Variants in GALNT12 observed in about 807,000 individuals in gnomAD.
GALNT12 encodes polypeptide N-acetylgalactosaminyltransferase 12, also known as UDP-GalNAc:polypeptide N-acetylgalactosaminyltransferase 12.
GALNT12 carries 45 observed loss-of-function variants against 55.5 expected under a neutral mutation model. The ratio of observed to expected loss-of-function variants is 0.81; its 90% confidence interval spans 0.64 to 1.04. The LOEUF (loss-of-function observed/expected upper bound fraction) is 1.04, where lower values mean the gene tolerates loss of function less well. GALNT12 is among the 50% of genes least tolerant of loss of function. The pLI, the probability that GALNT12 is intolerant of heterozygous loss-of-function variation, is 0.00. For missense variants in GALNT12, 709 were observed against 754.8 expected (o/e 0.94, Z 0.71); for synonymous variants, 304 against 312.2 (o/e 0.97, Z 0.28).
chr9:98,807,914 G>T lies in GALNT12; in HGVS notation c.216G>T (p.Ala72=). 1 of 1,218,780 alleles carries T rather than the reference G, an allele frequency of 8.2e-7. No homozygotes were observed. Among genetic ancestry groups the T allele is most frequent in the Non-Finnish European group, 1.0e-6 (1 of 978,636 alleles). 75.5% of individuals were successfully genotyped at this position (1,218,780 alleles called of 1,614,324 possible). A position where few individuals can be genotyped will look rare whatever the true frequency, so the allele number is the denominator to read the frequency against. Residue 72 remains alanine, a synonymous_variant, in exon 1 of 10, where the codon GCG becomes GCT. Coordinates refer to ENST00000375011, the MANE Select transcript of GALNT12 (RefSeq NM_024642.5). ...EPVMPRPPVP[A]NALGARGEAV... ...TCATGCCGCGGCCGCCGGTGCCGGC[G>T]AACGCGCTGGGCGCGCGGGGCGAGG...
chr9:98,847,226 A>C (rs1008069705), intron 9 of GALNT12: 2 of 152,230 alleles, frequency 1.3e-5, no homozygotes, highest in African/African-American at 2.4e-5. Context: ...TTCACTCCCA[A>C]TATACTGCTT....
intron 3 of GALNT12, among the ~76,000 whole-genome samples, chr9:98,828,290 G>A (rs546334784): frequency 3.9e-5 from 6 of 152,158 alleles, no homozygotes; most frequent in African/African-American, 1.4e-4. Context: ...TCAGCTGCAG[G>A]TTCTATAGCT....
At chr9:98,829,913 T>G (rs559652079) in intron 3 of GALNT12, among the ~76,000 whole-genome samples, 1 of 152,370 alleles carries the variant, frequency 6.6e-6, no homozygotes, top group Admixed American at 6.5e-5. Flanking sequence ...TTGGTTATTG[T>G]GAATAGTGCT....
intron 1 of GALNT12, among the ~76,000 whole-genome samples, chr9:98,819,869 T>C (rs1325737690): frequency 6.6e-6 from 1 of 152,190 alleles, no homozygotes; most frequent in Non-Finnish European, 1.5e-5. Flanking sequence ...CAGTACATAC[T>C]AGCAGGTGCT....
rs528057817 is a variant in GALNT12 at position 98,824,547 on chromosome 9, G to A, written c.541+1122G>A. 2.6e-5 allele frequency among the ~76,000 whole-genome samples: 4 copies of A among 152,282 alleles called. No individual in the cohort carries two copies. In the South Asian group the frequency reaches 8.3e-4, roughly 32 times the overall value. On this transcript the variant is annotated intron_variant, in intron 2 of 9. Transcript: ENST00000375011. The stretch of plus-strand genomic sequence containing the variant: ...CCTGCTGGCTGTGTGTTCAGTTACA[G>A]GTCACAGGGAGAATGGGTTTAAGGC...
At chr9:98,819,225 T>C (rs1201604708) in intron 1 of GALNT12, among the ~76,000 whole-genome samples, 5 of 152,234 alleles carry the variant, frequency 3.3e-5, no homozygotes, top group Non-Finnish European at 5.9e-5. Flanking sequence ...AATTCTTTGA[T>C]AGCCTCTGTC....
chr9:98,830,585 C>T (rs781129016), intron 3 of GALNT12, among the ~76,000 whole-genome samples: 1 of 152,258 alleles, frequency 6.6e-6, no homozygotes, highest in Non-Finnish European at 1.5e-5. Flanking sequence ...CCATCAGTTC[C>T]TGGGGGAGCT....
intron 1 of GALNT12, among the ~76,000 whole-genome samples, chr9:98,815,277 T>G (rs1835585806): frequency 6.6e-6 from 1 of 152,234 alleles, no homozygotes; most frequent in Non-Finnish European, 1.5e-5. Flanking sequence ...TTGGTACATA[T>G]TTGGTAAATT....
chr9:98,849,766 A>G lies in GALNT12; in HGVS notation c.*674A>G. The G allele has an allele frequency of 2.5e-6, 1 of 396,078 alleles. No individual in the cohort carries two copies. The highest frequency in any genetic ancestry group is 4.4e-6 in the Non-Finnish European group (1 of 225,202). 24.5% of individuals were successfully genotyped at this position (396,078 alleles called of 1,614,324 possible). A position where few individuals can be genotyped will look rare whatever the true frequency, so the allele number is the denominator to read the frequency against. ...CTTTACTAAGCTGAGTCAACTTGAG[A>G]GCGAACTTCTAACAATGCCGCACTG... On this transcript the variant is annotated 3_prime_UTR_variant, in exon 10 of 10. Transcript: ENST00000375011.
chr9:98,826,961 T>C lies in GALNT12; in HGVS notation c.731+20T>C. On this transcript the variant is annotated intron_variant, in intron 3 of 9. Coordinates refer to ENST00000375011, the MANE Select transcript of GALNT12 (RefSeq NM_024642.5). ...GCAGAGGTACGTGAGCCGCCCACCATGGGAGAGACAGCATGTTACCTGGAG... is the reference window on the plus strand; with the variant it reads ...GCAGAGGTACGTGAGCCGCCCACCACGGGAGAGACAGCATGTTACCTGGAG... 2 of 1,552,166 alleles carry C rather than the reference T, an allele frequency of 1.3e-6. No homozygotes were observed. The highest frequency in any genetic ancestry group is 1.7e-4 in the Middle Eastern group (1 of 5,904).
intron 3 of GALNT12, 101 bp downstream of exon 3, chr9:98,827,042 G>T: frequency 8.0e-7 from 1 of 1,249,174 alleles, no homozygotes; most frequent in Non-Finnish European, 1.1e-6. Context: ...GGGTTGCCTG[G>T]GCTCAGCTGC....
chr9:98,843,458 G>A (rs1836342774), intron 7 of GALNT12, among the ~76,000 whole-genome samples: 1 of 151,670 alleles, frequency 6.6e-6, no homozygotes, highest in African/African-American at 2.4e-5. Context: ...CCAGGCTGGA[G>A]TGCAGTGGCA....
rs150739038 is a variant in GALNT12 at position 98,848,817 on chromosome 9, G to A, written c.1606-135G>A. On this transcript the variant is annotated intron_variant, in intron 9 of 9. Transcript: ENST00000375011. ...CCCCGGGACAGTCCTGAGTTGCTGC[G>A]TTACACGGAAGACACTTACCCCTCA... 233 of 1,037,284 alleles carry A rather than the reference G, an allele frequency of 2.2e-4. 1 individual carries two copies. The East Asian group carries it at 4.7e-3, about 21-fold the overall frequency. The allele number at this position is 1,037,284 out of a possible 1,614,324, so 64.3% of individuals were successfully genotyped here. A position where few individuals can be genotyped will look rare whatever the true frequency, so the allele number is the denominator to read the frequency against.
At chr9:98,838,946 A>T (rs889833922) in intron 6 of GALNT12, among the ~76,000 whole-genome samples, 1 of 151,988 alleles carries the variant, frequency 6.6e-6, no homozygotes, top group African/African-American at 2.4e-5. Flanking sequence ...TCTGCAGCGC[A>T]CCTCTTGCTC....
chr9:98,844,465 C>A, intron 8 of GALNT12: 1 of 463,516 alleles, frequency 2.2e-6, no homozygotes, highest in East Asian at 4.3e-5. Flanking sequence ...TTTCCATTCC[C>A]TTCATCTACT....
Position 98,809,645 on chromosome 9 carries a change from A to G in GALNT12, c.371+1576A>G, listed in dbSNP as rs138210394. On this transcript the variant is annotated intron_variant, in intron 1 of 9. Transcript: ENST00000375011. The stretch of plus-strand genomic sequence containing the variant: ...AACACAACTTAGGAATTAATAAAGC[A>G]TCAATACCTGGGAGCACACTGTGTG... Among the ~76,000 whole-genome samples, 9 of 152,362 alleles carry G rather than the reference A, an allele frequency of 5.9e-5. No homozygotes were observed. The East Asian group carries it at 1.5e-3, about 26-fold the overall frequency.
At chr9:98,821,639 A>C (rs1835743672) in intron 1 of GALNT12, among the ~76,000 whole-genome samples, 1 of 146,290 alleles carries the variant, frequency 6.8e-6, no homozygotes. Flanking sequence ...AAAAAAAAAG[A>C]AAGAAATTTC....
chr9:98,825,394 A>G (rs988047224), intron 2 of GALNT12, among the ~76,000 whole-genome samples: 4 of 152,232 alleles, frequency 2.6e-5, no homozygotes, highest in African/African-American at 7.2e-5. Flanking sequence ...GAAAACAGGC[A>G]TGATGCCCTG....
intron 6 of GALNT12, 34 bp downstream of exon 6, chr9:98,837,182 C>T (rs1381627028): frequency 6.2e-7 from 1 of 1,609,266 alleles, no homozygotes; most frequent in Non-Finnish European, 8.5e-7. Context: ...CTCCATCTGG[C>T]TTCATCTGAA....
Sources: gnomAD v4.1 joint callset for allele counts (sites outside exome capture counted in the v4.1 genomes callset) on GRCh38, gnomAD v4.1.1 for gene constraint, MANE v1.5 for transcripts, NCBI Gene and HGNC (gene_info 2026-07-23, HGNC 2026-07-21) for gene names.